Variants in WDR6 observed in about 807,000 individuals in gnomAD.
WDR6 encodes the protein WD repeat domain 6, also known as tRNA (34-2'-O)-methyltransferase regulator WDR6.
A neutral mutation model predicts 85.6 loss-of-function variants in WDR6; 58 were observed. The ratio of observed to expected loss-of-function variants is 0.68; its 90% CI spans 0.55 to 0.84. WDR6 has a LOEUF of 0.84. Ranked by LOEUF, WDR6 falls within the 40% of genes least tolerant of loss-of-function variation. The pLI is 0.00. For synonymous variants in WDR6, 569 were observed against 582.2 expected, an observed-to-expected ratio of 0.98 and a Z score of 0.33; for missense variants, 1,310 against 1,476.4, an observed-to-expected ratio of 0.89 and a Z score of 1.85.
In WDR6 at chr3:49,014,012, C is replaced by A; in HGVS notation, c.2478C>A (p.Ser826Arg). The A allele has an allele frequency of 1.2e-6, 2 of 1,611,890 alleles. No homozygotes were observed. Among genetic ancestry groups the A allele is most frequent in the South Asian group, 2.2e-5 (2 of 91,086 alleles). ...TTACTCCGGACCCCAGCACCCCAAGCCGCCTCGCCTGCCATGTCATGCACC... is the reference window on the plus strand; with the variant it reads ...TTACTCCGGACCCCAGCACCCCAAGACGCCTCGCCTGCCATGTCATGCACC... Reference protein sequence around the residue: ...IMVTPDPSTPSRLACHVMHLS... With the variant: ...IMVTPDPSTPRRLACHVMHLS... Residue 826 changes from serine to arginine, a missense_variant, in exon 2 of 6, where the codon AGC (serine) becomes AGA (arginine). Coordinates refer to ENST00000608424, the MANE Select transcript of WDR6 (RefSeq NM_018031.6). The surrounding 1 kb of genome is among the most constrained non-coding windows in gnomAD (Gnocchi z 4.9).
chr3:49,012,763 T>C lies in WDR6; in HGVS notation c.1229T>C (p.Met410Thr). The change falls in exon 2 of 6, where the codon ATG becomes ACG. Residue 410 changes from methionine to threonine, a missense_variant. Physicochemically the swap from Met to Thr is moderately conservative, Grantham distance 81. Transcript: ENST00000608424. The surrounding 1 kb of genome is among the most constrained non-coding windows in gnomAD (Gnocchi z 4.4). The part of the protein sequence containing the change: ...PGPEGFGLCA[M>T]ANGEGRVKVV... ...CCCGAGGGCTTCGGATTGTGTGCTA[T>C]GGCCAATGGGGAAGGTCGTGTCAAG... 1 of 1,613,974 alleles carries C rather than the reference T, an allele frequency of 6.2e-7. No individual in the cohort carries two copies. The highest frequency in any genetic ancestry group is 8.5e-7 in the Non-Finnish European group (1 of 1,179,984).
In WDR6 at chr3:49,014,619, G is replaced by C; in HGVS notation, c.2803G>C (p.Ala935Pro). Reference sequence around the variant, plus strand: ...TCTCAGGAGGCTCCTCCTGTGCAGCGCAGCTACTGATGGCAGCCTGGCTTT... The same window carrying C: ...TCTCAGGAGGCTCCTCCTGTGCAGCCCAGCTACTGATGGCAGCCTGGCTTT... ...NQRRRLLLCS[A>P]ATDGSLAFWD... Residue 935 changes from alanine to proline, a missense_variant, in exon 5 of 6, where the codon GCA becomes CCA. Transcript: ENST00000608424. The surrounding 1 kb of genome is among the most constrained non-coding windows in gnomAD (Gnocchi z 4.9). 6.2e-7 allele frequency: 1 copy of C among 1,613,558 alleles called. No individual in the cohort carries two copies. The highest frequency in any genetic ancestry group is 8.5e-7 in the Non-Finnish European group (1 of 1,179,978).
chr3:49,014,523 C>T lies in WDR6; in HGVS notation c.2783+24C>T. The T allele has an allele frequency of 6.2e-7, 1 of 1,613,846 alleles. No individual in the cohort carries two copies. The highest frequency in any genetic ancestry group is 8.5e-7 in the Non-Finnish European group (1 of 1,179,898). On this transcript the variant is annotated intron_variant, in intron 4 of 5. Transcript: ENST00000608424. The surrounding 1 kb of genome is among the most constrained non-coding windows in gnomAD (Gnocchi z 4.9). ...CGGTGAGAGGGGCTGGATGATGGTCCTGCATGGGCTGGGTTGGGGGGTTCC... is the reference window on the plus strand; with the variant it reads ...CGGTGAGAGGGGCTGGATGATGGTCTTGCATGGGCTGGGTTGGGGGGTTCC...
rs749840015 is a variant in WDR6, at chr3:49,015,045, C to T, written c.3123C>T (p.Pro1041=). 5.6e-6 allele frequency: 9 copies of T among 1,614,184 alleles called. No homozygotes were observed. The Admixed American group carries it at 1.0e-4, about 18-fold the overall frequency. Residue 1041 remains proline, a synonymous_variant, in exon 6 of 6, where the codon CCC becomes CCT. Transcript: ENST00000608424. ...QLRVLEEYSV[P]CAHAAHVTGL... is the part of the protein sequence containing the mutation. ...GTGTGCTAGAGGAATACTCTGTCCC[C>T]TGTGCACATGCTGCCCATGTGACAG... is the stretch of plus-strand genomic sequence containing the variant.
At position 49,015,949 on chromosome 3, in the gene WDR6, G is replaced by A; in HGVS notation, c.*661G>A. 1 of 1,614,136 alleles carries A rather than the reference G, an allele frequency of 6.2e-7. No homozygotes were observed. Among genetic ancestry groups the A allele is most frequent in the Non-Finnish European group, 8.5e-7 (1 of 1,180,020 alleles). ...GCCAGAATAAAGAATAGAGTGTAGA[G>A]TGTCCTGGTTGTCTATGCCTCACCA... On this transcript the variant is annotated 3_prime_UTR_variant, in exon 6 of 6. Coordinates refer to ENST00000608424, the MANE Select transcript of WDR6 (RefSeq NM_018031.6).
rs572215264 is a variant in WDR6, at chr3:49,015,490, T to C, written c.*202T>C. The C allele has an allele frequency of 6.7e-5, 105 of 1,563,508 alleles. No individual in the cohort carries two copies. In the South Asian group the frequency reaches 1.2e-3, roughly 17 times the overall value. ...GACTCCCCATGACAAGACAGAACTT[T>C]GTAACAAACAGTACCAATTTATTTT... is the stretch of plus-strand genomic sequence containing the variant. On this transcript the variant is annotated 3_prime_UTR_variant, in exon 6 of 6. Coordinates refer to ENST00000608424, the MANE Select transcript of WDR6 (RefSeq NM_018031.6).
rs775600541 is a variant in WDR6 at position 49,013,082 on chromosome 3, G to A, written c.1548G>A (p.Leu516=). 4 of 1,610,846 alleles carry A rather than the reference G, an allele frequency of 2.5e-6. No individual in the cohort carries two copies. In the South Asian group the frequency reaches 3.3e-5, roughly 13 times the overall value. Residue 516 remains leucine, a synonymous_variant, in exon 2 of 6, where the codon CTG becomes CTA. Coordinates refer to ENST00000608424, the MANE Select transcript of WDR6 (RefSeq NM_018031.6). The surrounding 1 kb of genome is among the most constrained non-coding windows in gnomAD (Gnocchi z 4.6). ...GTGGTGACCGCCGGGGCTCTGTGCT[G>A]CTATTCCCCTCCAGACCAGGTCTGC... is the stretch of plus-strand genomic sequence containing the variant. ...LVCGDRRGSV[L]LFPSRPGLLK...
At position 49,014,350 on chromosome 3, in the gene WDR6, G is replaced by A; in HGVS notation, c.2667-33G>A. On this transcript the variant is annotated intron_variant, in intron 3 of 5. Transcript: ENST00000608424. The surrounding 1 kb of genome is among the most constrained non-coding windows in gnomAD (Gnocchi z 4.9). ...CAAAGGAAGTAAGGTTGTCTAGGAT[G>A]CGTTCTGAGCTGGGCCACCCCCCGC... is the stretch of plus-strand genomic sequence containing the variant. The A allele has an allele frequency of 6.2e-7, 1 of 1,614,066 alleles. No homozygotes were observed. The highest frequency in any genetic ancestry group is 8.5e-7 in the Non-Finnish European group (1 of 1,179,980).
At position 49,012,005 on chromosome 3, in the gene WDR6, G is replaced by A. The variant is rs2093018232; in HGVS notation, c.471G>A (p.Arg157=). The part of the protein sequence containing the change: ...CILQEVPCTD[R]CTLSSACLIG... Reference sequence around the variant, plus strand: ...TGCAAGAGGTGCCCTGCACAGACAGGTGCACCCTCTCTTCAGCCTGCCTGA... The same window carrying A: ...TGCAAGAGGTGCCCTGCACAGACAGATGCACCCTCTCTTCAGCCTGCCTGA... Residue 157 remains arginine, a synonymous_variant, in exon 2 of 6, where the codon AGG becomes AGA. Coordinates refer to ENST00000608424, the MANE Select transcript of WDR6 (RefSeq NM_018031.6). This position sits in a 1 kb window ranked among gnomAD's most constrained non-coding sequence, Gnocchi z 4.4. The A allele has an allele frequency of 6.2e-6, 10 of 1,614,200 alleles. No individual in the cohort carries two copies. Among genetic ancestry groups the A allele is most frequent in the Middle Eastern group, 1.6e-4 (1 of 6,062 alleles).
At chr3:49,010,202 C>G (rs920346631) in intron 1 of WDR6, among the ~76,000 whole-genome samples, 1 of 150,188 alleles carries the variant, frequency 6.7e-6, no homozygotes, top group African/African-American at 2.5e-5. Context: ...GTCAGGAGAT[C>G]GAGACCATCC....
At position 49,015,364 on chromosome 3, in the gene WDR6, G is replaced by GAGCAGGC; in HGVS notation, c.*76_*77insAGCAGGC. On this transcript the variant is annotated 3_prime_UTR_variant, in exon 6 of 6. Coordinates refer to ENST00000608424, the MANE Select transcript of WDR6 (RefSeq NM_018031.6). ...CATGGAGCAGGGATGGGCTGTCTGT[G>GAGCAGGC]CCCATGCTCAGCATGCCTTGAGGGG... is the stretch of plus-strand genomic sequence containing the variant. The GAGCAGGC allele has an allele frequency of 6.5e-7, 1 of 1,531,502 alleles. No homozygotes were observed. The highest frequency in any genetic ancestry group is 8.8e-7 in the Non-Finnish European group (1 of 1,130,480). 94.9% of individuals were successfully genotyped at this position (1,531,502 alleles called of 1,614,324 possible).
Position 49,012,999 on chromosome 3 carries a change from A to G in WDR6, c.1465A>G (p.Ser489Gly), listed in dbSNP as rs377268651. The change falls in exon 2 of 6, where the codon AGC becomes GGC. Residue 489 changes from serine to glycine, a missense_variant. Coordinates refer to ENST00000608424, the MANE Select transcript of WDR6 (RefSeq NM_018031.6). The surrounding 1 kb of genome is among the most constrained non-coding windows in gnomAD (Gnocchi z 4.4). ...ACGTTGTCGGTACCTGCTGCCCCCA[A>G]GCAAGCAGAGATGGCACACATGCAG... ...KERCRYLLPP[S>G]KQRWHTCSAF... 5.8e-5 allele frequency: 94 copies of G among 1,613,768 alleles called. No homozygotes were observed. The highest frequency in any genetic ancestry group is 1.0e-4 in the Admixed American group (6 of 59,966).
In WDR6 at chr3:49,007,840, C is replaced by G. The variant is rs1259076492; in HGVS notation, c.100+309C>G. ...CCGCGCGGAGGCGGAGGCGGAGGCC[C>G]GGGAGCTGAGGGTTGAGGGGGTGTG... On this transcript the variant is annotated intron_variant, in intron 1 of 5. Transcript: ENST00000608424. This position sits in a 1 kb window ranked among gnomAD's most constrained non-coding sequence, Gnocchi z 5.1. 8.3e-6 allele frequency among the ~76,000 whole-genome samples: 1 copy of G among 120,504 alleles called. No individual in the cohort carries two copies. The highest frequency in any genetic ancestry group is 9.8e-5 in the Admixed American group (1 of 10,242). The allele number at this position is 120,504 out of a possible 152,430, so 79.1% of individuals were successfully genotyped here.
chr3:49,007,409 G>A lies in WDR6; in HGVS notation c.-23G>A, dbSNP rs201687457. On this transcript the variant is annotated 5_prime_UTR_variant, in exon 1 of 6. Coordinates refer to ENST00000608424, the MANE Select transcript of WDR6 (RefSeq NM_018031.6). This position sits in a 1 kb window ranked among gnomAD's most constrained non-coding sequence, Gnocchi z 5.1. ...TTCAGCTCCCTTCTTAGCCGTGGCT[G>A]CCTCAGCACCTCGAGGATCGACATG... 54 of 1,603,150 alleles carry A rather than the reference G, an allele frequency of 3.4e-5. No individual in the cohort carries two copies. The highest frequency in any genetic ancestry group is 2.4e-4 in the Admixed American group (14 of 57,632).
chr3:49,008,246 C>G (rs2092995667), intron 1 of WDR6: 1 of 152,340 alleles, frequency 6.6e-6, no homozygotes, highest in Non-Finnish European at 1.5e-5. Flanking sequence ...CAGGCGAGGC[C>G]TGGGACCTGA....
At position 49,012,717 on chromosome 3, in the gene WDR6, C is replaced by T. The variant is rs151239124; in HGVS notation, c.1183C>T (p.Leu395=). 2.0e-5 allele frequency: 33 copies of T among 1,613,910 alleles called. 1 individual carries two copies. The African/African-American group carries it at 4.1e-4, about 20-fold the overall frequency. Residue 395 remains leucine (L), a synonymous_variant, in exon 2 of 6, where the codon CTG becomes TTG. Coordinates refer to ENST00000608424, the MANE Select transcript of WDR6 (RefSeq NM_018031.6). The surrounding 1 kb of genome is among the most constrained non-coding windows in gnomAD (Gnocchi z 4.4). ...LEDKHFQSYC[L]LEAAPGPEGF... ...GGATAAACATTTCCAGTCCTACTGCCTGCTGGAGGCAGCTCCTGGTCCCGA... is the reference window on the plus strand; with the variant it reads ...GGATAAACATTTCCAGTCCTACTGCTTGCTGGAGGCAGCTCCTGGTCCCGA...
chr3:49,014,535 G>C lies in WDR6; in HGVS notation c.2783+36G>C. ...CTGGATGATGGTCCTGCATGGGCTG[G>C]GTTGGGGGGTTCCTGTTGAGCTTCA... On this transcript the variant is annotated intron_variant, in intron 4 of 5. Transcript: ENST00000608424. The surrounding 1 kb of genome is among the most constrained non-coding windows in gnomAD (Gnocchi z 4.9). The C allele has an allele frequency of 6.2e-7, 1 of 1,613,744 alleles. No homozygotes were observed. The highest frequency in any genetic ancestry group is 8.5e-7 in the Non-Finnish European group (1 of 1,179,866).
Position 49,015,701 on chromosome 3 carries a change from G to C in WDR6, c.*413G>C. ...AACATCTGACCAAAGAGGTGTGGTC[G>C]AGGCTCCTGAAAGAGAAAGGGCCTG... is the stretch of plus-strand genomic sequence containing the variant. On this transcript the variant is annotated 3_prime_UTR_variant, in exon 6 of 6. Coordinates refer to ENST00000608424, the MANE Select transcript of WDR6 (RefSeq NM_018031.6). The C allele has an allele frequency of 1.2e-6, 2 of 1,614,050 alleles. No homozygotes were observed. Among genetic ancestry groups the C allele is most frequent in the Non-Finnish European group, 1.7e-6 (2 of 1,180,016 alleles).
chr3:49,009,966 G>C (rs189835741), intron 1 of WDR6, among the ~76,000 whole-genome samples: 2 of 151,662 alleles, frequency 1.3e-5, no homozygotes, highest in Admixed American at 1.3e-4. Flanking sequence ...GGGCTTAAGC[G>C]AGCCTCCTGC....
Sources: gnomAD v4.1 joint callset for allele counts (sites outside exome capture counted in the v4.1 genomes callset) on GRCh38, gnomAD v4.1.1 for gene constraint, Gnocchi (gnomAD v3.1) non-coding constraint, MANE v1.5 for transcripts, NCBI Gene and HGNC (gene_info 2026-07-23, HGNC 2026-07-21) for gene names.